Variants in TBC1D5 observed in about 807,000 individuals in gnomAD.
The protein encoded by TBC1D5 is TBC1 domain family, member 5.
A neutral mutation model predicts 100.3 loss-of-function variants in TBC1D5; 75 were observed. That is an observed-to-expected ratio of 0.75 (90% CI 0.62 to 0.91). The LOEUF (loss-of-function observed/expected upper bound fraction) is 0.91, where lower values mean the gene tolerates loss of function less well. Among genes scored for constraint, TBC1D5 ranks in the 40% least tolerant of loss-of-function variants. The probability of loss-of-function intolerance (pLI) is 0.00; values close to 1 mark genes in which losing one functional copy is unlikely to be tolerated. For missense variants in TBC1D5, 910 were observed against 942.4 expected, an observed-to-expected ratio of 0.97 and a Z score of 0.45; for synonymous variants, 323 against 325.6, an observed-to-expected ratio of 0.99 and a Z score of 0.09.
intron 1 of TBC1D5, among the ~76,000 whole-genome samples, chr3:17,642,032 C>A (rs914123700): frequency 6.6e-6 from 1 of 152,056 alleles, no homozygotes; most frequent in East Asian, 1.9e-4. Flanking sequence ...TTGAGTAAGA[C>A]CTAAATTGGT....
At chr3:17,640,265 T>A (rs1404311944) in intron 1 of TBC1D5, among the ~76,000 whole-genome samples, 3 of 152,004 alleles carry the variant, frequency 2.0e-5, no homozygotes, top group African/African-American at 4.8e-5. Context: ...TCTTTTTATT[T>A]AAAAAAAATC....
intron 1 of TBC1D5, among the ~76,000 whole-genome samples, chr3:17,709,913 C>T (rs983486352): frequency 2.6e-5 from 4 of 152,158 alleles, no homozygotes; most frequent in East Asian, 1.9e-4. Flanking sequence ...CTCTCACCTG[C>T]GGCACTACAC....
At chr3:17,201,127 A>AC (rs1559397744) in intron 18 of TBC1D5, among the ~76,000 whole-genome samples, 1 of 151,926 alleles carries the variant, frequency 6.6e-6, no homozygotes, top group East Asian at 1.9e-4. Context: ...AAAGGTCCTG[A>AC]TTTTTTCCAA....
chr3:17,440,630 C>T (rs2094633252), intron 3 of TBC1D5, among the ~76,000 whole-genome samples: 1 of 151,956 alleles, frequency 6.6e-6, no homozygotes, highest in South Asian at 2.1e-4. Flanking sequence ...AAAACATATA[C>T]ATTTTTTGTT....
At chr3:17,206,385 A>C (rs1437684149) in intron 18 of TBC1D5, among the ~76,000 whole-genome samples, 1 of 152,194 alleles carries the variant, frequency 6.6e-6, no homozygotes, top group Non-Finnish European at 1.5e-5. Flanking sequence ...TATATTTCTT[A>C]AACAGATATA....
At chr3:17,509,848 T>C (rs2095883277) in intron 2 of TBC1D5, among the ~76,000 whole-genome samples, 1 of 152,030 alleles carries the variant, frequency 6.6e-6, no homozygotes, top group Non-Finnish European at 1.5e-5. Context: ...TTTCCTTTGG[T>C]CGTTTTGAAA....
intron 18 of TBC1D5, among the ~76,000 whole-genome samples, chr3:17,211,494 C>T (rs568131633): frequency 6.6e-6 from 1 of 152,202 alleles, no homozygotes; most frequent in Non-Finnish European, 1.5e-5. Context: ...AATTTTCAGT[C>T]TTTTGCTGAC....
intron 1 of TBC1D5, among the ~76,000 whole-genome samples, chr3:17,666,005 T>C (rs533687279): frequency 1.3e-5 from 2 of 152,338 alleles, no homozygotes; most frequent in Admixed American, 1.3e-4. Context: ...GCAGTCAAAG[T>C]GCTGCTAGAA....
At chr3:17,718,761 TC>T (rs1312228483) in intron 1 of TBC1D5, among the ~76,000 whole-genome samples, 4 of 152,056 alleles carry the variant, frequency 2.6e-5, no homozygotes, top group Non-Finnish European at 5.9e-5. Context: ...TCCCCAATGC[TC>T]CTCCTCCAGC....
intron 3 of TBC1D5, among the ~76,000 whole-genome samples, chr3:17,437,439 C>G (rs2094555171): frequency 1.3e-5 from 2 of 151,974 alleles, no homozygotes; most frequent in African/African-American, 4.8e-5. Flanking sequence ...ATCAAGAAAA[C>G]AGAATTCTAA....
chr3:17,511,615 G>A (rs1439842456), intron 2 of TBC1D5, among the ~76,000 whole-genome samples: 3 of 151,844 alleles, frequency 2.0e-5, no homozygotes, highest in African/African-American at 7.2e-5. Context: ...TTCATTTAAG[G>A]TGCTAAAAAT....
intron 19 of TBC1D5, among the ~76,000 whole-genome samples, chr3:17,183,742 ATT>A (rs1282910795): frequency 3.3e-5 from 5 of 152,172 alleles, no homozygotes; most frequent in African/African-American, 4.8e-5. Context: ...GAGAACATTT[ATT>A]ATTTTACTGA....
chr3:17,474,494 G>A (rs1330887564), intron 3 of TBC1D5, among the ~76,000 whole-genome samples: 2 of 150,922 alleles, frequency 1.3e-5, no homozygotes, highest in African/African-American at 2.4e-5. Context: ...TTGAAAGAAG[G>A]AATCAATTCT....
At chr3:17,630,048 A>G (rs2063367614) in intron 1 of TBC1D5, among the ~76,000 whole-genome samples, 1 of 152,210 alleles carries the variant, frequency 6.6e-6, no homozygotes, top group South Asian at 2.1e-4. Flanking sequence ...ATTCAGCACA[A>G]TACCCACACA....
chr3:17,727,780 G>C (rs564193919), intron 1 of TBC1D5, among the ~76,000 whole-genome samples: 1 of 152,258 alleles, frequency 6.6e-6, no homozygotes, highest in South Asian at 2.1e-4. Context: ...CACAGAGAAA[G>C]GATATTATTT....
intron 2 of TBC1D5, among the ~76,000 whole-genome samples, chr3:17,571,315 G>C (rs1011157747): frequency 6.6e-6 from 1 of 151,872 alleles, no homozygotes; most frequent in Non-Finnish European, 1.5e-5. Context: ...ACCTATAATT[G>C]TCATTTTGTG....
At chr3:17,538,177 C>A (rs912498312) in intron 2 of TBC1D5, among the ~76,000 whole-genome samples, 4 of 151,992 alleles carry the variant, frequency 2.6e-5, no homozygotes, top group African/African-American at 9.7e-5. Flanking sequence ...TGTCAGGCGA[C>A]CATGAGGTGA....
intron 15 of TBC1D5, among the ~76,000 whole-genome samples, chr3:17,260,602 G>T (rs902238471): frequency 3.9e-5 from 6 of 152,280 alleles, no homozygotes; most frequent in Admixed American, 2.0e-4. Context: ...TTTGAAATGT[G>T]AAGAAAATAA....
intron 2 of TBC1D5, among the ~76,000 whole-genome samples, chr3:17,513,090 T>A (rs1298639420): frequency 6.6e-6 from 1 of 152,042 alleles, no homozygotes; most frequent in East Asian, 1.9e-4. Flanking sequence ...TCCCAGCACT[T>A]TGGGAGGCAG....
Sources: allele counts gnomAD v4.1 joint callset (sites outside exome capture counted in the v4.1 genomes callset), GRCh38; gene constraint gnomAD v4.1.1; transcripts MANE v1.5; gene names NCBI Gene and HGNC (gene_info 2026-07-23, HGNC 2026-07-21).